CNTNAP2: variants seen among roughly 807,000 people sequenced by gnomAD.
The protein encoded by CNTNAP2 is contactin associated protein 2, also known as contactin-associated protein-like 2.
CNTNAP2 carries 98 observed loss-of-function variants against 155.2 expected under a neutral mutation model. That is an observed-to-expected ratio of 0.63 (90% CI 0.54 to 0.75). The LOEUF (loss-of-function observed/expected upper bound fraction) is 0.75, where lower values mean the gene tolerates loss of function less well. Ranked by LOEUF, CNTNAP2 falls within the 30% of genes least tolerant of loss-of-function variation. The pLI, the probability that CNTNAP2 is intolerant of heterozygous loss-of-function variation, is 0.00. For synonymous variants in CNTNAP2, 651 were observed against 631.2 expected (o/e 1.03, Z -0.47); for missense variants, 1,727 against 1,688.1 (o/e 1.02, Z -0.40).
chr7:147,916,591 GA>G (rs10545940), intron 14 of CNTNAP2, among the ~76,000 whole-genome samples: 14,763 of 135,546 alleles, frequency 0.11, 793 homozygotes, highest in East Asian at 0.18. Flanking sequence ...CTTTTTTTCT[GA>G]AAAAAAAAAA....
At chr7:146,739,968 C>G (rs1801684297) in intron 1 of CNTNAP2, among the ~76,000 whole-genome samples, 2 of 151,904 alleles carry the variant, frequency 1.3e-5, no homozygotes, top group Non-Finnish European at 2.9e-5. Flanking sequence ...CTTCTATTCT[C>G]TTTTGGTTTC....
In CNTNAP2 at chr7:147,377,250, A is replaced by G. The variant is rs115493013; in HGVS notation, c.1499-18359A>G. Among the ~76,000 whole-genome samples, 474 of 151,482 alleles carry G rather than the reference A, an allele frequency of 3.1e-3. 5 individuals are homozygous for G. The highest frequency in any genetic ancestry group is 0.011 in the African/African-American group (442 of 41,374). Reference sequence around the variant, plus strand: ...TAGGGATTATCCTTATTTTTTTTCAAAAATACTTATTAAATTCCAACATAG... The same window carrying G: ...TAGGGATTATCCTTATTTTTTTTCAGAAATACTTATTAAATTCCAACATAG... On this transcript the variant is annotated intron_variant, in intron 9 of 23. Transcript: ENST00000361727.
chr7:147,368,428 C>A (rs1414404588), intron 9 of CNTNAP2, among the ~76,000 whole-genome samples: 1 of 152,072 alleles, frequency 6.6e-6, no homozygotes, highest in Non-Finnish European at 1.5e-5. Flanking sequence ...TGCTTTAGCT[C>A]TTAAATAGTA....
At chr7:146,673,331 A>G (rs947343662) in intron 1 of CNTNAP2, among the ~76,000 whole-genome samples, 2 of 152,288 alleles carry the variant, frequency 1.3e-5, no homozygotes, top group South Asian at 2.1e-4. Flanking sequence ...AAGTTCACTC[A>G]TAATATGTCA....
At chr7:146,479,429 GGT>G (rs1470345950) in intron 1 of CNTNAP2, among the ~76,000 whole-genome samples, 1 of 151,870 alleles carries the variant, frequency 6.6e-6, no homozygotes, top group Non-Finnish European at 1.5e-5. Flanking sequence ...GTTTAATTCA[GGT>G]GTCTTTCATA....
chr7:148,316,356 A>AT (rs1292984425), intron 21 of CNTNAP2, among the ~76,000 whole-genome samples: 3 of 151,776 alleles, frequency 2.0e-5, no homozygotes, highest in Non-Finnish European at 4.4e-5. Flanking sequence ...TATTAAAAAA[A>AT]AAAGAAATGG....
chr7:147,590,164 A>G (rs1435856788), intron 12 of CNTNAP2, among the ~76,000 whole-genome samples: 1 of 152,190 alleles, frequency 6.6e-6, no homozygotes, highest in East Asian at 1.9e-4. Context: ...AACAGGTGGC[A>G]GACTGATTAC....
rs1021139714 is a variant in CNTNAP2 at position 146,217,615 on chromosome 7, T to C, written c.97+100642T>C. ...AGTTTCTCTACACGAAAGTATGCTT[T>C]AAAAAACTCTACTGTGTTATGAAAT... is the stretch of plus-strand genomic sequence containing the variant. On this transcript the variant is annotated intron_variant, in intron 1 of 23. Transcript: ENST00000361727. Among the ~76,000 whole-genome samples the C allele has an allele frequency of 8.5e-5, 13 of 152,232 alleles. No individual in the cohort carries two copies. In the East Asian group the frequency reaches 2.5e-3, roughly 29 times the overall value.
At chr7:147,412,792 T>C (rs906718359) in intron 10 of CNTNAP2, among the ~76,000 whole-genome samples, 1 of 152,136 alleles carries the variant, frequency 6.6e-6, no homozygotes, top group Non-Finnish European at 1.5e-5. Flanking sequence ...TCAGATAATA[T>C]AGGGCAAGGC....
At chr7:147,974,780 T>C (rs1039346310) in intron 14 of CNTNAP2, among the ~76,000 whole-genome samples, 11 of 152,116 alleles carry the variant, frequency 7.2e-5, no homozygotes, top group Non-Finnish European at 1.5e-4. Flanking sequence ...AAATTAAACA[T>C]GTGTACTTTA....
chr7:146,394,808 A>G (rs1303146348), intron 1 of CNTNAP2, among the ~76,000 whole-genome samples: 1 of 152,142 alleles, frequency 6.6e-6, no homozygotes, highest in African/African-American at 2.4e-5. Flanking sequence ...CATATATTGC[A>G]TAATGGTGAA....
intron 3 of CNTNAP2, among the ~76,000 whole-genome samples, chr7:146,955,888 A>C (rs542079320): frequency 1.1e-4 from 16 of 152,210 alleles, no homozygotes; most frequent in African/African-American, 3.6e-4. Context: ...TATTAAATGT[A>C]TTACTTACCG....
At chr7:148,398,818 C>T (rs1346638131) in intron 22 of CNTNAP2, among the ~76,000 whole-genome samples, 5 of 152,210 alleles carry the variant, frequency 3.3e-5, no homozygotes, top group Admixed American at 3.3e-4. Flanking sequence ...CTCCTGAAGA[C>T]TTTCATCTTA....
At chr7:147,856,201 C>G (rs17234278) in intron 13 of CNTNAP2, among the ~76,000 whole-genome samples, 28,501 of 152,108 alleles carry the variant, frequency 0.19, 3,114 homozygotes, top group Middle Eastern at 0.3. Flanking sequence ...AGCCATAGTT[C>G]TAGACCTTGG....
At chr7:146,621,732 T>C (rs1799320859) in intron 1 of CNTNAP2, among the ~76,000 whole-genome samples, 1 of 152,138 alleles carries the variant, frequency 6.6e-6, no homozygotes, top group Non-Finnish European at 1.5e-5. Context: ...GTAGGATTTG[T>C]TAGTTTTCTC....
At chr7:146,632,882 G>A (rs1799532610) in intron 1 of CNTNAP2, among the ~76,000 whole-genome samples, 1 of 151,540 alleles carries the variant, frequency 6.6e-6, no homozygotes, top group South Asian at 2.1e-4. Flanking sequence ...CAATTTGGCT[G>A]AGCTAATTTG....
At chr7:146,322,309 G>A (rs1340639747) in intron 1 of CNTNAP2, among the ~76,000 whole-genome samples, 3 of 152,122 alleles carry the variant, frequency 2.0e-5, no homozygotes, top group Non-Finnish European at 4.4e-5. Flanking sequence ...CCCTTTCCAG[G>A]TTTTAACAGG....
chr7:147,422,193 A>AGT (rs1563198682), intron 10 of CNTNAP2, among the ~76,000 whole-genome samples: 1 of 148,204 alleles, frequency 6.7e-6, no homozygotes, highest in Non-Finnish European at 1.5e-5. Flanking sequence ...TACACTATAT[A>AGT]GTATGTATAT....
intron 10 of CNTNAP2, among the ~76,000 whole-genome samples, chr7:147,479,546 C>T (rs545857073): frequency 3.2e-4 from 48 of 152,242 alleles, no homozygotes; most frequent in Admixed American, 5.9e-4. Flanking sequence ...TTTCAAAAGA[C>T]ATTTTATTTA....
Sources: allele counts gnomAD v4.1 joint callset (sites outside exome capture counted in the v4.1 genomes callset), GRCh38; gene constraint gnomAD v4.1.1; transcripts MANE v1.5; gene names NCBI Gene and HGNC (gene_info 2026-07-23, HGNC 2026-07-21).